The following SMARCAL1 variants were observed in gnomAD, a reference collection of about 807,000 sequenced individuals.
SMARCAL1 encodes the protein ATP-driven annealing helicase.
A neutral mutation model predicts 94.5 loss-of-function variants in SMARCAL1; 58 were observed. That is an observed-to-expected ratio of 0.61 (90% CI 0.50 to 0.76). SMARCAL1 has a LOEUF of 0.76. SMARCAL1 is among the 30% of genes least tolerant of loss of function. The pLI, the probability that SMARCAL1 is intolerant of heterozygous loss-of-function variation, is 0.00. For synonymous variants in SMARCAL1, 422 were observed against 455.1 expected, an observed-to-expected ratio of 0.93 and a Z score of 0.93; for missense variants, 1,051 against 1,177.9, an observed-to-expected ratio of 0.89 and a Z score of 1.58.
Position 216,436,912 on chromosome 2 carries a change from G to A in SMARCAL1, c.1644+1416G>A, listed in dbSNP as rs113667026. Among the ~76,000 whole-genome samples the A allele has an allele frequency of 2.3e-3, 343 of 152,336 alleles. 1 individual carries two copies. Among genetic ancestry groups the A allele is most frequent in the Non-Finnish European group, 4.2e-3 (288 of 68,034 alleles). On this transcript the variant is annotated intron_variant, in intron 9 of 17. Transcript: ENST00000357276. Reference sequence around the variant, plus strand: ...CCATAGGCACAAAGCTAGCAAGTTGGAGGTTATTGAATAAAGCTGGGTTGC... The same window carrying A: ...CCATAGGCACAAAGCTAGCAAGTTGAAGGTTATTGAATAAAGCTGGGTTGC...
At chr2:216,468,746 A>G (rs1694889373) in intron 14 of SMARCAL1, among the ~76,000 whole-genome samples, 1 of 152,158 alleles carries the variant, frequency 6.6e-6, no homozygotes, top group Admixed American at 6.5e-5. Flanking sequence ...TTTGAGGCAG[A>G]GTCTTGCTGT....
rs956399646 is a variant in SMARCAL1 at position 216,466,789 on chromosome 2, T to C, written c.2142-1155T>C. 3.3e-5 allele frequency among the ~76,000 whole-genome samples: 5 copies of C among 152,334 alleles called. No individual in the cohort carries two copies. In the East Asian group the frequency reaches 9.6e-4, roughly 29 times the overall value. On this transcript the variant is annotated intron_variant, in intron 13 of 17. Transcript: ENST00000357276. ...TTTTTTGCTTATATCATGGCAAATT[T>C]TATGTCTCTCAAAATAATTAAAGTA... is the stretch of plus-strand genomic sequence containing the variant.
chr2:216,445,022 A>G (rs1694276406), intron 10 of SMARCAL1, among the ~76,000 whole-genome samples: 1 of 152,162 alleles, frequency 6.6e-6, no homozygotes, highest in Admixed American at 6.5e-5. Flanking sequence ...CTAACACCAC[A>G]CAGAAAGTAT....
Position 216,425,159 on chromosome 2 carries a change from T to C in SMARCAL1, c.1147+1476T>C, listed in dbSNP as rs1443211534. On this transcript the variant is annotated intron_variant, in intron 6 of 17. Coordinates refer to ENST00000357276, the MANE Select transcript of SMARCAL1 (RefSeq NM_014140.4). ...CTCGGCTCACGCTACCAGTCCAGAT[T>C]CCACACCCACTGAGGGCGAGCTAGG... 2.6e-5 allele frequency among the ~76,000 whole-genome samples: 4 copies of C among 152,166 alleles called. No homozygotes were observed. The East Asian group carries it at 7.7e-4, about 29-fold the overall frequency.
intron 7 of SMARCAL1, among the ~76,000 whole-genome samples, chr2:216,430,093 T>A (rs1693932131): frequency 6.6e-6 from 1 of 151,922 alleles, no homozygotes. Context: ...GGGTGCTGGT[T>A]TTACCAGTTA....
chr2:216,438,985 G>C (rs1197604418), intron 10 of SMARCAL1, among the ~76,000 whole-genome samples: 2 of 152,156 alleles, frequency 1.3e-5, no homozygotes, highest in African/African-American at 4.8e-5. Flanking sequence ...ACAGAACTGA[G>C]CAAGGGCTGG....
rs1693553354 is a variant in SMARCAL1, at chr2:216,414,903, C to A, written c.199C>A (p.His67Asn). The A allele has an allele frequency of 3.1e-6, 5 of 1,614,210 alleles. No homozygotes were observed. The highest frequency in any genetic ancestry group is 4.2e-6 in the Non-Finnish European group (5 of 1,180,034). The change falls in exon 3 of 18, where the codon CAT (histidine) becomes AAT (asparagine). Residue 67 changes from histidine (H) to asparagine (N), a missense_variant. His to Asn is a moderately conservative substitution (Grantham distance 68). Transcript: ENST00000357276. ...AAGGGAGTCTTGTAAGCCAGTGAGC[C>A]ATGGTGTCATTTTCAAGCAACAGAA... ...FPRESCKPVS[H>N]GVIFKQQNLS... is the part of the protein sequence containing the mutation.
chr2:216,435,994 G>A (rs1278114087), intron 9 of SMARCAL1, among the ~76,000 whole-genome samples: 1 of 152,176 alleles, frequency 6.6e-6, no homozygotes, highest in Non-Finnish European at 1.5e-5. Context: ...TTGAGACAGA[G>A]TTTCACTCTT....
intron 2 of SMARCAL1, chr2:216,414,302 C>T (rs1053951196): frequency 2.6e-5 from 6 of 228,956 alleles, no homozygotes; most frequent in Non-Finnish European, 5.3e-5. Context: ...GGATTACAGG[C>T]GTGCACCACC....
intron 14 of SMARCAL1, among the ~76,000 whole-genome samples, chr2:216,474,128 C>CCTTTTTTTTTTTTTTTT (rs1695019649): frequency 3.1e-5 from 2 of 64,894 alleles, no homozygotes; most frequent in African/African-American, 1.2e-4. Flanking sequence ...GTATAGCATT[C>CCTTTTTTTTTTTTTTTT]TTTTTTTTTT....
At chr2:216,446,016 A>T (rs897282998) in intron 10 of SMARCAL1, among the ~76,000 whole-genome samples, 27 of 152,332 alleles carry the variant, frequency 1.8e-4, no homozygotes, top group African/African-American at 6.3e-4. Context: ...CTGTTTCTAG[A>T]CAACTGAGCT....
At chr2:216,427,157 A>G (rs1693852527) in intron 6 of SMARCAL1, 1 of 152,210 alleles carries the variant, frequency 6.6e-6, no homozygotes, top group Non-Finnish European at 1.5e-5. Flanking sequence ...TCTGGCAAAG[A>G]GCTATTTTAC....
chr2:216,449,002 G>A (rs994646926), intron 11 of SMARCAL1, among the ~76,000 whole-genome samples: 1 of 152,204 alleles, frequency 6.6e-6, no homozygotes, highest in African/African-American at 2.4e-5. Context: ...ACAAAGAATA[G>A]AGGTTTATTT....
At chr2:216,422,074 G>T (rs2106022357) in intron 5 of SMARCAL1, among the ~76,000 whole-genome samples, 1 of 152,214 alleles carries the variant, frequency 6.6e-6, no homozygotes, top group East Asian at 1.9e-4. Context: ...TTTGGCTTCA[G>T]CTTGGGGTGG....
At chr2:216,432,165 G>T (rs970144913) in intron 7 of SMARCAL1, among the ~76,000 whole-genome samples, 1 of 152,020 alleles carries the variant, frequency 6.6e-6, no homozygotes, top group South Asian at 2.1e-4. Context: ...GGGACTACGG[G>T]CATGTGCCTG....
At chr2:216,416,827 A>T (rs1175002320) in intron 4 of SMARCAL1, among the ~76,000 whole-genome samples, 2 of 152,206 alleles carry the variant, frequency 1.3e-5, no homozygotes, top group Admixed American at 6.5e-5. Context: ...TGTGCAGCTA[A>T]CTACTCAAAA....
intron 12 of SMARCAL1, among the ~76,000 whole-genome samples, chr2:216,454,984 A>G (rs1694531406): frequency 6.6e-6 from 1 of 152,186 alleles, no homozygotes; most frequent in African/African-American, 2.4e-5. Context: ...CACCTGGAAA[A>G]TCGGGTCACT....
chr2:216,457,499 A>C (rs550815324), intron 12 of SMARCAL1, among the ~76,000 whole-genome samples: 2 of 152,394 alleles, frequency 1.3e-5, no homozygotes, highest in East Asian at 3.9e-4. Flanking sequence ...CTCAGACCAC[A>C]GTGCAATCAA....
chr2:216,416,145 T>C (rs1693596165), intron 3 of SMARCAL1, 112 bp from the exon 4 acceptor site: 1 of 844,598 alleles, frequency 1.2e-6, no homozygotes, highest in Non-Finnish European at 2.1e-6. Flanking sequence ...GGGGGCTTGC[T>C]GGTCAGCTGT....
Sources: gnomAD v4.1 joint callset for allele counts (sites outside exome capture counted in the v4.1 genomes callset) on GRCh38, gnomAD v4.1.1 for gene constraint, MANE v1.5 for transcripts, NCBI Gene and HGNC (gene_info 2026-07-23, HGNC 2026-07-21) for gene names.